STK3: variants seen among roughly 807,000 people sequenced by gnomAD.
The protein encoded by STK3 is serine/threonine-protein kinase 3.
STK3 carries 41 observed loss-of-function variants against 58.0 expected under a neutral mutation model. The observed-to-expected ratio is 0.71, with a 90% CI of 0.55 to 0.92. The LOEUF (loss-of-function observed/expected upper bound fraction) is 0.92, where lower values mean the gene tolerates loss of function less well. Ranked by LOEUF, STK3 falls within the 40% of genes least tolerant of loss-of-function variation. The pLI is 0.00. For synonymous variants in STK3, 170 were observed against 191.0 expected, an observed-to-expected ratio of 0.89 and a Z score of 0.91; for missense variants, 479 against 602.7, an observed-to-expected ratio of 0.79 and a Z score of 2.15.
intron 3 of STK3, among the ~76,000 whole-genome samples, chr8:98,754,253 G>T (rs1410812836): frequency 1.3e-5 from 2 of 150,516 alleles, no homozygotes; most frequent in Non-Finnish European, 3.0e-5. Flanking sequence ...CAACATATGA[G>T]AAACAAAAAA....
At position 98,482,454 on chromosome 8, in the gene STK3, A is replaced by G. The variant is rs116968255; in HGVS notation, c.1318-26454T>C. On this transcript the variant is annotated intron_variant, in intron 10 of 10. Transcript: ENST00000419617. ...AAAATACATGTAAGTATAAAATACA[A>G]TTTGTAAATGAGGGCCGGGATTAGC... 1.6e-4 allele frequency among the ~76,000 whole-genome samples: 25 copies of G among 152,340 alleles called. No homozygotes were observed. In the East Asian group the frequency reaches 3.3e-3, roughly 20 times the overall value.
intron 3 of STK3, among the ~76,000 whole-genome samples, chr8:98,403,345 G>T (rs1042827199): frequency 2.6e-5 from 4 of 152,184 alleles, no homozygotes; most frequent in African/African-American, 9.7e-5. Flanking sequence ...CTCCCCCATA[G>T]AAGTACCCCC....
In STK3 at chr8:98,612,996, C is replaced by A. The variant is rs576973781; in HGVS notation, c.685-16827G>T. ...GCAATGAGGTGATCCTCCCACTACC[C>A]ACTGAGGAGGACTAGAAAAAAGTTA... On this transcript the variant is annotated intron_variant, in intron 6 of 10. Transcript: ENST00000419617. Among the ~76,000 whole-genome samples the A allele has an allele frequency of 2.6e-5, 4 of 152,298 alleles. No homozygotes were observed. In the East Asian group the frequency reaches 7.7e-4, roughly 29 times the overall value.
At chr8:98,769,287 T>C (rs1000820048) in intron 2 of STK3, among the ~76,000 whole-genome samples, 2 of 152,188 alleles carry the variant, frequency 1.3e-5, no homozygotes, top group African/African-American at 4.8e-5. Context: ...CTCCCATAAT[T>C]CCCACCTGTT....
chr8:98,849,908 G>A (rs1025777387), intron 3 of STK3, among the ~76,000 whole-genome samples: 1 of 152,038 alleles, frequency 6.6e-6, no homozygotes, highest in African/African-American at 2.4e-5. Context: ...CACTAGGTAT[G>A]GCATGAGAGG....
intron 10 of STK3, among the ~76,000 whole-genome samples, chr8:98,503,689 C>T (rs183140696): frequency 7.3e-4 from 111 of 152,172 alleles, no homozygotes; most frequent in African/African-American, 2.6e-3. Context: ...CAGGTTGTTC[C>T]GTTTCTGTGT....
At position 98,706,563 on chromosome 8, in the gene STK3, T is replaced by C. The variant is rs755030771; in HGVS notation, c.588A>G (p.Ile196Met). Reference sequence around the variant, plus strand: ...AGATGTCGGCCACACAGTTATAGCCTATTTCTTGAATCACCTCAGGAGCCA... The same window carrying C: ...AGATGTCGGCCACACAGTTATAGCCCATTTCTTGAATCACCTCAGGAGCCA... Reference protein sequence around the residue: ...FWMAPEVIQEIGYNCVADIWS... With the variant: ...FWMAPEVIQEMGYNCVADIWS... The change falls in exon 6 of 11, where the codon ATA becomes ATG. Residue 196 changes from isoleucine (I) to methionine (M), a missense_variant. Physicochemically the swap from Ile to Met is conservative, Grantham distance 10. Transcript: ENST00000419617. 2.5e-6 allele frequency: 4 copies of C among 1,613,638 alleles called. No homozygotes were observed. The highest frequency in any genetic ancestry group is 3.4e-6 in the Non-Finnish European group (4 of 1,179,756).
chr8:98,902,230 A>T (rs990869276), intron 1 of STK3, among the ~76,000 whole-genome samples: 2 of 152,068 alleles, frequency 1.3e-5, no homozygotes, highest in African/African-American at 4.8e-5. Context: ...TCCCTAGATG[A>T]CCTCATCCAT....
the STK3 span, among the ~76,000 whole-genome samples, chr8:98,357,886 G>A: frequency 6.6e-6 from 1 of 151,990 alleles, no homozygotes; most frequent in Non-Finnish European, 1.5e-5. Context: ...AAGGAGCCTC[G>A]GCAAAGCATG....
chr8:98,864,058 G>T (rs542933224), intron 3 of STK3, among the ~76,000 whole-genome samples: 1 of 151,884 alleles, frequency 6.6e-6, no homozygotes, highest in Non-Finnish European at 1.5e-5. Flanking sequence ...AATTAGCCGG[G>T]TGTGGTGGCG....
chr8:98,662,401 T>C (rs1419957441), intron 6 of STK3, among the ~76,000 whole-genome samples: 1 of 152,166 alleles, frequency 6.6e-6, no homozygotes, highest in Non-Finnish European at 1.5e-5. Context: ...TCTTTCAAAT[T>C]CTGATGTGGA....
At chr8:98,677,328 G>A (rs1319065841) in intron 6 of STK3, among the ~76,000 whole-genome samples, 3 of 144,030 alleles carry the variant, frequency 2.1e-5, no homozygotes, top group East Asian at 2.1e-4. Flanking sequence ...AAATCTCACC[G>A]CACCCCCACC....
intron 3 of STK3, among the ~76,000 whole-genome samples, chr8:98,405,436 T>C (rs1401280827): frequency 2.0e-5 from 3 of 152,156 alleles, no homozygotes; most frequent in African/African-American, 7.2e-5. Context: ...GGTAATATTG[T>C]TATTATTATT....
chr8:98,828,892 G>C (rs1266332778), upstream of STK3, among the ~76,000 whole-genome samples: 2 of 152,194 alleles, frequency 1.3e-5, no homozygotes, highest in Non-Finnish European at 2.9e-5. Context: ...ATTGAAAGTT[G>C]AGCCATATCT....
chr8:98,376,704 T>C (rs1303799546), intron 2 of STK3, among the ~76,000 whole-genome samples: 1 of 152,148 alleles, frequency 6.6e-6, no homozygotes, highest in East Asian at 1.9e-4. Context: ...TACAAAGATA[T>C]TTAGAGTTCA....
intron 4 of STK3, among the ~76,000 whole-genome samples, chr8:98,739,145 G>A (rs544205470): frequency 0.019 from 2,883 of 152,350 alleles, 59 homozygotes; most frequent in Non-Finnish European, 0.027. Context: ...GCCTCTGTAG[G>A]CTCCACCTCT....
chr8:98,619,638 AT>A, intron 6 of STK3, among the ~76,000 whole-genome samples: 1 of 115,302 alleles, frequency 8.7e-6, no homozygotes. Context: ...AAACAACCCC[AT>A]CAAAAAGTGG....
At chr8:98,921,999 A>G (rs1290313954) in intron 1 of STK3, among the ~76,000 whole-genome samples, 3 of 152,204 alleles carry the variant, frequency 2.0e-5, no homozygotes, top group East Asian at 3.9e-4. Flanking sequence ...CGGCCTATCA[A>G]CAGTCATTTC....
chr8:98,480,565 T>C (rs974275817), intron 10 of STK3, among the ~76,000 whole-genome samples: 6 of 152,002 alleles, frequency 3.9e-5, no homozygotes, highest in African/African-American at 1.5e-4. Context: ...AACAAGAACA[T>C]TCACCAAGAA....
Sources: allele counts gnomAD v4.1 joint callset (sites outside exome capture counted in the v4.1 genomes callset), GRCh38; gene constraint gnomAD v4.1.1; transcripts MANE v1.5; gene names NCBI Gene and HGNC (gene_info 2026-07-23, HGNC 2026-07-21).